The following PCDHGA2 variants were observed in gnomAD, a reference collection of about 807,000 sequenced individuals.
The protein encoded by PCDHGA2 is protocadherin gamma-A2.
Under a neutral mutation model 59.2 loss-of-function variants are expected in PCDHGA2, and 40 were observed. That is an observed-to-expected ratio of 0.68 (90% CI 0.52 to 0.88). PCDHGA2 has a LOEUF of 0.88. PCDHGA2 is among the 40% of genes least tolerant of loss of function. PCDHGA2 has a pLI of 0.00. For missense variants in PCDHGA2, 1,226 were observed against 1,204.0 expected, an observed-to-expected ratio of 1.02 and a Z score of -0.27; for synonymous variants, 560 against 526.0, an observed-to-expected ratio of 1.06 and a Z score of -0.89.
Position 141,339,331 on chromosome 5 carries a change from G to T in PCDHGA2, c.360G>T (p.Glu120Asp), listed in dbSNP as rs1756827488. 1 of 1,614,128 alleles carries T rather than the reference G, an allele frequency of 6.2e-7. No homozygotes were observed. Among genetic ancestry groups the T allele is most frequent in the Admixed American group, 1.7e-5 (1 of 60,010 alleles). ...LEDKLTIYSV[E>D]VEITDINDNA... is the part of the protein sequence containing the mutation. ...ATAAATTGACTATTTATTCAGTAGA[G>T]GTGGAAATAACAGATATTAACGATA... Residue 120 changes from glutamate (E) to aspartate (D), a missense_variant, in exon 1 of 4, where the codon GAG (glutamate) becomes GAT (aspartate). Physicochemically the swap from Glu to Asp is conservative, Grantham distance 45. Transcript: ENST00000394576.
intron 1 of PCDHGA2, among the ~76,000 whole-genome samples, chr5:141,462,839 T>C (rs1020663897): frequency 8.5e-5 from 13 of 152,228 alleles, no homozygotes; most frequent in Non-Finnish European, 1.5e-4. Context: ...GTAAATGTTA[T>C]ATTTTTGAGT....
chr5:141,407,601 A>G (rs886898088), intron 1 of PCDHGA2, among the ~76,000 whole-genome samples: 3 of 152,168 alleles, frequency 2.0e-5, no homozygotes, highest in African/African-American at 7.2e-5. Flanking sequence ...CATCTTAAAA[A>G]GAAGCATTGG....
chr5:141,393,458 G>A (rs181214352), intron 1 of PCDHGA2: 5 of 1,614,020 alleles, frequency 3.1e-6, no homozygotes, highest in African/African-American at 2.7e-5. Context: ...TCACGGCCTC[G>A]GATGGCGGCA....
At chr5:141,376,051 C>T in intron 1 of PCDHGA2, 1 of 1,613,344 alleles carries the variant, frequency 6.2e-7, no homozygotes, top group South Asian at 1.1e-5. Context: ...CTCTCTCCGC[C>T]ACTGTCACGC....
rs2099394683 is a variant in PCDHGA2, at chr5:141,476,602, C to G, written c.2425-18205C>G. 2.5e-6 allele frequency: 4 copies of G among 1,614,208 alleles called. No individual in the cohort carries two copies. The highest frequency in any genetic ancestry group is 2.2e-5 in the East Asian group (1 of 44,862). Reference sequence around the variant, plus strand: ...TTCCGCTCGAGAGCGCGCACGATCCCGATGTGGGAAGCAACTCTTTACAAA... The same window carrying G: ...TTCCGCTCGAGAGCGCGCACGATCCGGATGTGGGAAGCAACTCTTTACAAA... On this transcript the variant is annotated intron_variant, in intron 1 of 3. Transcript: ENST00000394576. This position sits in a 1 kb window ranked among gnomAD's most constrained non-coding sequence, Gnocchi z 7.6.
chr5:141,342,110 CT>C (rs3840508), intron 1 of PCDHGA2: 131,286 of 151,964 alleles, frequency 0.86, 56,847 homozygotes, highest in Non-Finnish European at 0.88. Context: ...CAGGTTTCTC[CT>C]TTTTTTTTAT....
intron 2 of PCDHGA2, among the ~76,000 whole-genome samples, chr5:141,497,540 C>CTT (rs754207034): frequency 2.8e-4 from 38 of 134,912 alleles, no homozygotes; most frequent in African/African-American, 8.9e-4. Context: ...TGCAACAAAC[C>CTT]TTTTTTTTTT....
chr5:141,378,581 G>A (rs17524659), intron 1 of PCDHGA2: 5,512 of 152,208 alleles, frequency 0.036, 128 homozygotes, highest in South Asian at 0.08. Flanking sequence ...AAACATGCTC[G>A]GTAGTGTCTG....
intron 1 of PCDHGA2, among the ~76,000 whole-genome samples, chr5:141,396,897 T>C (rs1337739986): frequency 1.3e-5 from 2 of 152,220 alleles, no homozygotes; most frequent in African/African-American, 4.8e-5. Flanking sequence ...CAACATATTA[T>C]TGGCACTTTG....
At chr5:141,480,511 A>G (rs2099520888) in intron 1 of PCDHGA2, among the ~76,000 whole-genome samples, 1 of 127,378 alleles carries the variant, frequency 7.9e-6, no homozygotes, top group African/African-American at 3.6e-5. Context: ...ATATGAGAAC[A>G]ACCAAAAATG....
chr5:141,460,912 G>GTGTA (rs145509489), intron 1 of PCDHGA2, among the ~76,000 whole-genome samples: 34,285 of 149,232 alleles, frequency 0.23, 4,672 homozygotes, highest in African/African-American at 0.39. Flanking sequence ...ATTCCATGGT[G>GTGTA]TATATATATA....
At chr5:141,440,887 G>C (rs1423303973) in intron 1 of PCDHGA2, 4 of 152,206 alleles carry the variant, frequency 2.6e-5, no homozygotes, top group Non-Finnish European at 5.9e-5. Context: ...TCGGCCTTCA[G>C]GAAGATGTGC....
chr5:141,361,132 A>C (rs958485360), intron 1 of PCDHGA2: 1 of 1,613,986 alleles, frequency 6.2e-7, no homozygotes, highest in Admixed American at 1.7e-5. Context: ...CCACTGCAGT[A>C]TCCAAGTTGA....
At chr5:141,502,368 G>A (rs2099813930) in intron 2 of PCDHGA2, among the ~76,000 whole-genome samples, 1 of 151,996 alleles carries the variant, frequency 6.6e-6, no homozygotes, top group East Asian at 1.9e-4. Context: ...TATTTTTAAA[G>A]AGTCCAGGCC....
intron 1 of PCDHGA2, chr5:141,393,938 C>G (rs537803893): frequency 9.3e-6 from 15 of 1,613,818 alleles, no homozygotes; most frequent in Non-Finnish European, 1.3e-5. Context: ...ATGACCAAGA[C>G]TCTGGAAAGA....
rs368792885 is a variant in PCDHGA2, at chr5:141,394,552, G to A, written c.2424+53157G>A. 7.4e-5 allele frequency: 119 copies of A among 1,613,952 alleles called. No homozygotes were observed. Among genetic ancestry groups the A allele is most frequent in the Admixed American group, 8.3e-5 (5 of 60,012 alleles). On this transcript the variant is annotated intron_variant, in intron 1 of 3. Transcript: ENST00000394576. ...TCCACTGGCGTGGAGCTGGCGCCCCGCTCCGCAGAGCGTGGCTACCTGGTG... is the reference window on the plus strand; with the variant it reads ...TCCACTGGCGTGGAGCTGGCGCCCCACTCCGCAGAGCGTGGCTACCTGGTG...
At chr5:141,474,419 A>AT (rs1348108901) in intron 1 of PCDHGA2, among the ~76,000 whole-genome samples, 1 of 152,204 alleles carries the variant, frequency 6.6e-6, no homozygotes, top group Non-Finnish European at 1.5e-5. Context: ...TGCCTAGACC[A>AT]TTGGTCCTCA....
chr5:141,399,465 G>C (rs770080703), intron 1 of PCDHGA2: 20 of 1,614,014 alleles, frequency 1.2e-5, no homozygotes, highest in Non-Finnish European at 1.7e-5. Flanking sequence ...ATAACGCTCC[G>C]GTTTTCCACC....
chr5:141,338,991 T>A lies in PCDHGA2; in HGVS notation c.20T>A (p.Leu7Ter), dbSNP rs1756797183. ...AGGGAAATGGCGGCTCTGCAAAAGT[T>A]GCCACACTGCAGAAAGCTGGTCCTG... The part of the protein sequence containing the change: MAALQK[L>*]PHCRKLVLLC... Residue 7 changes from leucine to a stop codon, truncating the protein, a stop_gained, in exon 1 of 4, where the codon TTG becomes TAG. Transcript: ENST00000394576. LOFTEE classifies it high-confidence loss of function. 1 of 1,544,588 alleles carries A rather than the reference T, an allele frequency of 6.5e-7. No homozygotes were observed. Among genetic ancestry groups the A allele is most frequent in the East Asian group, 2.3e-5 (1 of 43,982 alleles).
Sources: gnomAD v4.1 joint callset for allele counts (sites outside exome capture counted in the v4.1 genomes callset) on GRCh38, gnomAD v4.1.1 for gene constraint, Gnocchi (gnomAD v3.1) non-coding constraint, MANE v1.5 for transcripts, NCBI Gene and HGNC (gene_info 2026-07-23, HGNC 2026-07-21) for gene names.